GATA4: variants seen among roughly 807,000 people sequenced by gnomAD.
GATA4 encodes the protein transcription factor GATA-4.
A neutral mutation model predicts 37.9 loss-of-function variants in GATA4; 7 were observed. That is an observed-to-expected ratio of 0.18 (90% CI 0.11 to 0.35). The LOEUF is 0.35. Among genes scored for constraint, GATA4 ranks in the 10% least tolerant of loss-of-function variants. The pLI is 1.00. For synonymous variants in GATA4, 372 were observed against 292.6 expected (o/e 1.27, Z -2.77); for missense variants, 647 against 653.0 (o/e 0.99, Z 0.10).
At chr8:11,685,527 C>A (rs1799108517) in intron 1 of GATA4, among the ~76,000 whole-genome samples, 2 of 152,154 alleles carry the variant, frequency 1.3e-5, no homozygotes, top group South Asian at 4.1e-4. Flanking sequence ...TCATTTGTTC[C>A]AGAGAATTCA....
intron 2 of GATA4, among the ~76,000 whole-genome samples, chr8:11,711,098 G>T (rs1000227034): frequency 6.6e-6 from 1 of 152,174 alleles, no homozygotes; most frequent in Admixed American, 6.5e-5. Context: ...GAGGGAGTAT[G>T]TCTCAAAACA....
chr8:11,694,443 C>T (rs1799440847), intron 1 of GATA4: 2 of 982,818 alleles, frequency 2.0e-6, no homozygotes, highest in African/African-American at 1.7e-5. Context: ...CTTTTCTTCC[C>T]CCAGAACATT....
chr8:11,728,680 G>A (rs1292381213), intron 2 of GATA4, among the ~76,000 whole-genome samples: 1 of 152,144 alleles, frequency 6.6e-6, no homozygotes, highest in Non-Finnish European at 1.5e-5. Flanking sequence ...TCCAAAAATG[G>A]TGAGATTATG....
intron 2 of GATA4, among the ~76,000 whole-genome samples, chr8:11,737,324 C>T (rs1041530988): frequency 2.0e-5 from 3 of 152,178 alleles, no homozygotes; most frequent in South Asian, 2.1e-4. Flanking sequence ...ATTCCAGAGG[C>T]GAAGGGGAAG....
rs536399957 is a variant in GATA4 at position 11,692,890 on chromosome 8, C to T, written c.-729+230C>T. 1.1e-4 allele frequency: 109 copies of T among 982,870 alleles called. No individual in the cohort carries two copies. The African/African-American group carries it at 1.8e-3, about 17-fold the overall frequency. 60.9% of individuals were successfully genotyped at this position (982,870 alleles called of 1,614,324 possible). ...CGCCGAGTTTGCGCCGCCCGCCGCC[C>T]CGCGCTCGCCTCCAGCCGCCTGGGG... is the stretch of plus-strand genomic sequence containing the variant. On this transcript the variant is annotated intron_variant, in intron 1 of 2. Coordinates refer to the GATA4 transcript ENST00000526974.
At chr8:11,710,500 T>G (rs1367170080) in intron 2 of GATA4, among the ~76,000 whole-genome samples, 1 of 146,652 alleles carries the variant, frequency 6.8e-6, no homozygotes, top group South Asian at 2.2e-4. Flanking sequence ...GCCAACCTGT[T>G]GAAACCCCGC....
intron 1 of GATA4, among the ~76,000 whole-genome samples, chr8:11,695,011 G>T (rs1022338907): frequency 4.6e-5 from 7 of 152,176 alleles, no homozygotes; most frequent in African/African-American, 1.7e-4. Context: ...GTTTTATCTG[G>T]CACAGAGCAC....
intron 4 of GATA4, among the ~76,000 whole-genome samples, chr8:11,753,968 C>T (rs1432468654): frequency 6.6e-6 from 1 of 152,212 alleles, no homozygotes; most frequent in Admixed American, 6.5e-5. Context: ...GTGAATGGCT[C>T]TGGGGCCTGC....
At position 11,708,869 on chromosome 8, in the gene GATA4, G is replaced by A; in HGVS notation, c.557G>A (p.Ser186Asn). Reference protein sequence around the residue: ...AAAASAGPFDSPVLHSLPGRA... With the variant: ...AAAASAGPFDNPVLHSLPGRA... ...GCCGCCTCCGCCGGCCCCTTCGACA[G>A]CCCGGTCCTGCACAGCCTGCCCGGC... The change falls in exon 2 of 7, where the codon AGC (serine) becomes AAC (asparagine). Residue 186 changes from serine (S) to asparagine (N), a missense_variant. Ser to Asn is a conservative substitution (Grantham distance 46, BLOSUM62 1). Transcript: ENST00000532059. The surrounding 1 kb of genome is among the most constrained non-coding windows in gnomAD (Gnocchi z 6.7). 1 of 1,516,890 alleles carries A rather than the reference G, an allele frequency of 6.6e-7. No individual in the cohort carries two copies. Among genetic ancestry groups the A allele is most frequent in the Non-Finnish European group, 8.8e-7 (1 of 1,139,520 alleles). The allele number at this position is 1,516,890 out of a possible 1,614,324, so 94.0% of individuals were successfully genotyped here.
At chr8:11,690,196 G>A (rs1190175524), upstream of GATA4, among the ~76,000 whole-genome samples, 3 of 152,236 alleles carry the variant, frequency 2.0e-5, no homozygotes, top group African/African-American at 7.2e-5. Flanking sequence ...TTCCGCACAT[G>A]AGCCTCTGTG....
intron 6 of GATA4, 57 bp from the exon 7 acceptor site, chr8:11,758,236 C>T: frequency 1.3e-5 from 20 of 1,589,232 alleles, no homozygotes; most frequent in Non-Finnish European, 1.7e-5. Flanking sequence ...CAGCCTAGAC[C>T]TCCCAAGCCC....
intron 1 of GATA4, among the ~76,000 whole-genome samples, chr8:11,680,032 C>A (rs1390018177): frequency 6.6e-6 from 1 of 152,230 alleles, no homozygotes. Context: ...GTCACATCGC[C>A]GGGGTCTCCT....
At chr8:11,735,644 C>T (rs557463365) in intron 2 of GATA4, among the ~76,000 whole-genome samples, 66 of 152,164 alleles carry the variant, frequency 4.3e-4, no homozygotes, top group Non-Finnish European at 8.4e-4. Flanking sequence ...CTCACTGCAA[C>T]CTCCTCCTTC....
At chr8:11,755,160 T>C (rs1224922434) in intron 5 of GATA4, 27 bp downstream of exon 5, 1 of 1,567,280 alleles carries the variant, frequency 6.4e-7, no homozygotes, top group Non-Finnish European at 8.8e-7. Flanking sequence ...TGAGTGATTA[T>C]ATGAGTACAT....
chr8:11,695,789 A>C (rs892404277), intron 1 of GATA4, among the ~76,000 whole-genome samples: 2 of 152,188 alleles, frequency 1.3e-5, no homozygotes, highest in African/African-American at 4.8e-5. Context: ...CAGCCTGCCC[A>C]AAAACATGAG....
chr8:11,714,266 A>G (rs1424426725), intron 2 of GATA4, among the ~76,000 whole-genome samples: 1 of 152,264 alleles, frequency 6.6e-6, no homozygotes, highest in African/African-American at 2.4e-5. Flanking sequence ...AATGAAATAC[A>G]TGTACAGTAT....
chr8:11,756,088 T>G (rs1218976956), intron 5 of GATA4, among the ~76,000 whole-genome samples: 2 of 152,136 alleles, frequency 1.3e-5, no homozygotes, highest in Non-Finnish European at 2.9e-5. Context: ...TACCAAAACA[T>G]TCCTCACTCA....
chr8:11,682,502 TGATA>T (rs1799003701), intron 1 of GATA4, among the ~76,000 whole-genome samples: 1 of 152,242 alleles, frequency 6.6e-6, no homozygotes, highest in Non-Finnish European at 1.5e-5. Flanking sequence ...AGAATAGTGC[TGATA>T]GATAGTAGAT....
At chr8:11,710,458 G>C (rs1253727810) in intron 2 of GATA4, among the ~76,000 whole-genome samples, 1 of 151,606 alleles carries the variant, frequency 6.6e-6, no homozygotes, top group Non-Finnish European at 1.5e-5. Context: ...TTAAAATAGG[G>C]AGGACTGGGC....
Sources: gnomAD v4.1 joint callset for allele counts (sites outside exome capture counted in the v4.1 genomes callset) on GRCh38, gnomAD v4.1.1 for gene constraint, Gnocchi (gnomAD v3.1) non-coding constraint, MANE v1.5 for transcripts, NCBI Gene and HGNC (gene_info 2026-07-23, HGNC 2026-07-21) for gene names.